Variants in MYRIP observed in about 807,000 individuals in gnomAD.
The protein encoded by MYRIP is myosin VIIA and Rab interacting protein.
Under a neutral mutation model 98.0 loss-of-function variants are expected in MYRIP, and 49 were observed. The ratio of observed to expected loss-of-function variants is 0.50; its 90% confidence interval spans 0.40 to 0.63. The LOEUF is 0.63. Ranked by LOEUF, MYRIP falls within the 30% of genes least tolerant of loss-of-function variation. MYRIP has a pLI of 0.00. For synonymous variants in MYRIP, 404 were observed against 409.5 expected (o/e 0.99, Z 0.16); for missense variants, 1,004 against 1,058.2 (o/e 0.95, Z 0.71).
chr3:39,819,239 T>A (rs1053663000), intron 1 of MYRIP, among the ~76,000 whole-genome samples: 10 of 152,042 alleles, frequency 6.6e-5, no homozygotes, highest in African/African-American at 2.4e-4. Flanking sequence ...TCCCAGCTAC[T>A]TAGGAGCCTG....
At chr3:40,143,999 TAAGC>T (rs1949962432) in intron 3 of MYRIP, among the ~76,000 whole-genome samples, 1 of 152,230 alleles carries the variant, frequency 6.6e-6, no homozygotes. Context: ...AGTTTTGGTA[TAAGC>T]AATGAATGGA....
chr3:40,003,410 C>G (rs1415144803), intron 2 of MYRIP, among the ~76,000 whole-genome samples: 2 of 152,186 alleles, frequency 1.3e-5, no homozygotes, highest in African/African-American at 4.8e-5. Flanking sequence ...CACTGAAGAT[C>G]TACTTGTATG....
At chr3:40,076,613 A>G (rs1308864102) in intron 3 of MYRIP, among the ~76,000 whole-genome samples, 1 of 152,182 alleles carries the variant, frequency 6.6e-6, no homozygotes, top group Non-Finnish European at 1.5e-5. Context: ...GAGGAGGACC[A>G]CCTTCTGTAC....
chr3:40,221,223 C>CCTGGG (rs1306738141), intron 11 of MYRIP, among the ~76,000 whole-genome samples: 3 of 151,724 alleles, frequency 2.0e-5, no homozygotes, highest in African/African-American at 7.3e-5. Context: ...TGTCAGTGTG[C>CCTGGG]CTGGCACTAT....
intron 2 of MYRIP, among the ~76,000 whole-genome samples, chr3:40,009,339 C>T (rs1461549610): frequency 4.0e-5 from 6 of 151,464 alleles, no homozygotes; most frequent in Non-Finnish European, 2.9e-5. Flanking sequence ...CGGGTTCAAG[C>T]GATTCTCCTA....
chr3:39,860,001 A>G (rs1445310480), intron 1 of MYRIP, among the ~76,000 whole-genome samples: 1 of 152,236 alleles, frequency 6.6e-6, no homozygotes, highest in Non-Finnish European at 1.5e-5. Context: ...TAGTACTAAA[A>G]GTTCTATATG....
intron 1 of MYRIP, among the ~76,000 whole-genome samples, chr3:39,839,730 C>G (rs1489279616): frequency 6.6e-6 from 1 of 152,098 alleles, no homozygotes; most frequent in Non-Finnish European, 1.5e-5. Flanking sequence ...ACCCAGTAGT[C>G]ATTCAGGAGC....
At chr3:39,914,120 G>A (rs1003794527) in intron 2 of MYRIP, among the ~76,000 whole-genome samples, 8 of 152,160 alleles carry the variant, frequency 5.3e-5, no homozygotes, top group African/African-American at 1.4e-4. Flanking sequence ...TAACACTGAT[G>A]TTATGTGGAT....
At chr3:39,835,710 A>G (rs1443811281) in intron 1 of MYRIP, among the ~76,000 whole-genome samples, 2 of 152,258 alleles carry the variant, frequency 1.3e-5, no homozygotes, top group Admixed American at 1.3e-4. Flanking sequence ...TGTTATCTAC[A>G]TTAGGTATTT....
intron 2 of MYRIP, among the ~76,000 whole-genome samples, chr3:39,993,023 G>A (rs1946219569): frequency 6.6e-6 from 1 of 152,134 alleles, no homozygotes; most frequent in African/African-American, 2.4e-5. Context: ...TGATATAACA[G>A]AATACCACAG....
chr3:40,090,355 A>G (rs2125881939), intron 3 of MYRIP, among the ~76,000 whole-genome samples: 1 of 152,092 alleles, frequency 6.6e-6, no homozygotes, highest in Middle Eastern at 3.4e-3. Context: ...GGAATTGGAG[A>G]GCATTAGGAC....
At chr3:39,957,971 A>G (rs562444849) in intron 2 of MYRIP, among the ~76,000 whole-genome samples, 1 of 152,344 alleles carries the variant, frequency 6.6e-6, no homozygotes, top group Non-Finnish European at 1.5e-5. Context: ...CTAACTTACA[A>G]GGGATGTGAA....
At chr3:40,162,963 C>T (rs1177371122) in intron 5 of MYRIP, 153 bp downstream of exon 5, 1 of 618,524 alleles carries the variant, frequency 1.6e-6, no homozygotes, top group Non-Finnish European at 2.8e-6. Flanking sequence ...CTTATTATTG[C>T]CAATTGTATG....
intron 16 of MYRIP, among the ~76,000 whole-genome samples, chr3:40,253,438 CAAAT>C (rs1559478847): frequency 6.6e-6 from 1 of 152,102 alleles, no homozygotes; most frequent in Admixed American, 6.5e-5. Flanking sequence ...CGGATATAAA[CAAAT>C]AAGACGAGAA....
chr3:39,814,320 A>G (rs1349997013), intron 1 of MYRIP, among the ~76,000 whole-genome samples: 2 of 152,062 alleles, frequency 1.3e-5, no homozygotes, highest in African/African-American at 2.4e-5. Context: ...CTTGGAATGT[A>G]TTTTACTGCT....
intron 2 of MYRIP, among the ~76,000 whole-genome samples, chr3:40,009,201 C>T (rs190300945): frequency 6.7e-4 from 102 of 151,274 alleles, no homozygotes; most frequent in Middle Eastern, 3.5e-3. Context: ...CTCCTAGGCA[C>T]GGTCACCACA....
chr3:39,890,227 G>T (rs1263220665), intron 1 of MYRIP, among the ~76,000 whole-genome samples: 2 of 151,212 alleles, frequency 1.3e-5, no homozygotes, highest in Non-Finnish European at 2.9e-5. Context: ...ATCTGCTGTT[G>T]CCACTATGTT....
intron 3 of MYRIP, among the ~76,000 whole-genome samples, chr3:40,092,410 C>G (rs1948749617): frequency 6.6e-6 from 1 of 152,198 alleles, no homozygotes; most frequent in Admixed American, 6.5e-5. Context: ...CTCCCCAAAA[C>G]CCTCTCCCAG....
rs141494732 is a variant in MYRIP, at chr3:39,956,587, A to G, written c.110+55661A>G. Reference sequence around the variant, plus strand: ...CACAAGAGAAAGCAGGAAAGATCTAAAATGGACACCCCAACATCACAATTA... The same window carrying G: ...CACAAGAGAAAGCAGGAAAGATCTAGAATGGACACCCCAACATCACAATTA... On this transcript the variant is annotated intron_variant, in intron 2 of 16. Coordinates refer to ENST00000302541, the MANE Select transcript of MYRIP (RefSeq NM_015460.4). 2.5e-3 allele frequency among the ~76,000 whole-genome samples: 386 copies of G among 152,332 alleles called. 2 individuals carry two copies. Among genetic ancestry groups the G allele is most frequent in the Non-Finnish European group, 3.3e-3 (224 of 68,030 alleles).
Sources: gnomAD v4.1 joint callset for allele counts (sites outside exome capture counted in the v4.1 genomes callset) on GRCh38, gnomAD v4.1.1 for gene constraint, MANE v1.5 for transcripts, NCBI Gene and HGNC (gene_info 2026-07-23, HGNC 2026-07-21) for gene names.